The following KMT2E variants were observed in gnomAD, a reference collection of about 807,000 sequenced individuals.
KMT2E encodes the protein lysine methyltransferase 2E (inactive), also known as histone reader KMT2E.
Under a neutral mutation model 184.6 loss-of-function variants are expected in KMT2E, and 30 were observed. The ratio of observed to expected loss-of-function variants is 0.16; its 90% confidence interval spans 0.12 to 0.22. KMT2E has a LOEUF of 0.22. KMT2E is among the 10% of genes least tolerant of loss of function. KMT2E has a pLI of 1.00. For missense variants in KMT2E, 2,023 were observed against 2,237.4 expected, an observed-to-expected ratio of 0.90 and a Z score of 1.93; for synonymous variants, 815 against 776.5, an observed-to-expected ratio of 1.05 and a Z score of -0.82.
intron 8 of KMT2E, among the ~76,000 whole-genome samples, chr7:105,075,810 C>A: frequency 6.6e-6 from 1 of 152,198 alleles, no homozygotes; most frequent in African/African-American, 2.4e-5. Context: ...CCTCAGTCTC[C>A]TGAGTAGCTG....
intron 3 of KMT2E, among the ~76,000 whole-genome samples, chr7:105,051,598 G>A (rs1360040874): frequency 1.3e-5 from 2 of 151,782 alleles, no homozygotes; most frequent in Non-Finnish European, 2.9e-5. Context: ...GTCTGTACTG[G>A]GTCCTCCTTC....
intron 17 of KMT2E, 65 bp from the exon 18 acceptor site, chr7:105,105,374 T>G: frequency 8.2e-7 from 1 of 1,224,600 alleles, no homozygotes; most frequent in Non-Finnish European, 1.1e-6. Flanking sequence ...AAATCTGGTA[T>G]TAGAATATTC....
chr7:105,112,789 C>CCT lies in KMT2E; in HGVS notation c.5034_5035insTC (p.Pro1679SerfsTer34). 2 of 1,585,910 alleles carry CCT rather than the reference C, an allele frequency of 1.3e-6. No homozygotes were observed. Among genetic ancestry groups the CCT allele is most frequent in the South Asian group, 1.1e-5 (1 of 89,098 alleles). On this transcript the variant is annotated frameshift_variant, in exon 27 of 27. Coordinates refer to ENST00000311117, the MANE Select transcript of KMT2E (RefSeq NM_182931.3). LOFTEE classifies it high-confidence loss of function. ...TCTCAAACTGCTGGACACCACTTAC[C>CCT]CCCACCCCCACCCCCTCCTGGTCCT...
intron 13 of KMT2E, among the ~76,000 whole-genome samples, chr7:105,083,589 A>G (rs1220407402): frequency 6.6e-6 from 1 of 152,232 alleles, no homozygotes; most frequent in African/African-American, 2.4e-5. Flanking sequence ...TAGCAGCTTT[A>G]TAGATAAGGG....
chr7:105,078,079 A>G (rs1445199521), intron 11 of KMT2E, among the ~76,000 whole-genome samples: 8 of 152,224 alleles, frequency 5.3e-5, no homozygotes. Flanking sequence ...TATCAAAAAC[A>G]TTTATTGTTT....
intron 26 of KMT2E, chr7:105,111,129 A>ATTC (rs1799237934): frequency 2.6e-6 from 1 of 388,360 alleles, no homozygotes; most frequent in Admixed American, 4.2e-5. Flanking sequence ...TTCCACCTCT[A>ATTC]TTCTAGTGGT....
At position 105,112,575 on chromosome 7, in the gene KMT2E, G is replaced by A. The variant is rs1315461550; in HGVS notation, c.4819G>A (p.Gly1607Arg). Residue 1607 changes from glycine to arginine, a missense_variant, in exon 27 of 27, where the codon GGG becomes AGG. Coordinates refer to ENST00000311117, the MANE Select transcript of KMT2E (RefSeq NM_182931.3). Reference protein sequence around the residue: ...QTVPGHHVTPGHFLPSQNPTI... With the variant: ...QTVPGHHVTPRHFLPSQNPTI... ...AGTTCCAGGACACCACGTGACTCCAGGGCATTTTTTGCCCTCTCAGAACCC... is the reference window on the plus strand; with the variant it reads ...AGTTCCAGGACACCACGTGACTCCAAGGCATTTTTTGCCCTCTCAGAACCC... 1.2e-6 allele frequency: 2 copies of A among 1,613,852 alleles called. No homozygotes were observed. Among genetic ancestry groups the A allele is most frequent in the African/African-American group, 1.3e-5 (1 of 74,844 alleles).
intron 1 of KMT2E, among the ~76,000 whole-genome samples, chr7:105,020,087 G>A (rs1424636766): frequency 1.4e-5 from 2 of 141,900 alleles, no homozygotes; most frequent in African/African-American, 2.6e-5. Flanking sequence ...CAGCCTGGGC[G>A]ATAGAGTGAG....
chr7:105,106,696 G>A lies in KMT2E; in HGVS notation c.2771G>A (p.Arg924Lys). The A allele has an allele frequency of 6.2e-7, 1 of 1,613,772 alleles. No homozygotes were observed. Residue 924 changes from arginine to lysine, a missense_variant, in exon 20 of 27, where the codon AGA (arginine) becomes AAA (lysine). Arg to Lys is a conservative substitution (Grantham distance 26, BLOSUM62 2). Around this residue, in one of 8 missense-constraint regions of KMT2E, gnomAD observed 514 missense variants for 621.8 expected, o/e 0.83. Coordinates refer to ENST00000311117, the MANE Select transcript of KMT2E (RefSeq NM_182931.3). ...PRIKSDDETC[R>K]NGYKPIYSPV... is the part of the protein sequence containing the mutation. ...ATAAAATCAGATGATGAAACTTGTA[G>A]AAATGGTTATAAACCCATATATTCA...
chr7:105,030,640 G>C (rs1795369291), intron 1 of KMT2E, among the ~76,000 whole-genome samples: 1 of 152,178 alleles, frequency 6.6e-6, no homozygotes, highest in Non-Finnish European at 1.5e-5. Context: ...GCACTGGTGT[G>C]AATGCCCTTT....
Position 105,110,413 on chromosome 7 carries a change from ACT to A in KMT2E, c.3844+48_3844+49del, listed in dbSNP as rs774563536. On this transcript the variant is annotated intron_variant, in intron 24 of 26. Transcript: ENST00000311117. ...CACCAGAAAGTGGAATCAGTTAATC[ACT>A]CTGCATCCTCGTTCTTTGCAGCTCT... The A allele has an allele frequency of 3.1e-6, 5 of 1,613,668 alleles. No homozygotes were observed. The South Asian group carries it at 3.3e-5, about 11-fold the overall frequency.
chr7:105,070,768 G>A (rs1309422716), intron 6 of KMT2E, among the ~76,000 whole-genome samples: 4 of 151,386 alleles, frequency 2.6e-5, no homozygotes, highest in East Asian at 1.9e-4. Context: ...AGTTATGATT[G>A]TGCCACTGCA....
intron 6 of KMT2E, among the ~76,000 whole-genome samples, chr7:105,071,220 TTGTA>T (rs940768701): frequency 2.6e-5 from 4 of 152,274 alleles, no homozygotes; most frequent in Non-Finnish European, 4.4e-5. Flanking sequence ...CTAGTTGCCT[TTGTA>T]TGGACACTAG....
At chr7:105,050,667 TTC>T (rs1235492393) in intron 3 of KMT2E, among the ~76,000 whole-genome samples, 1 of 146,646 alleles carries the variant, frequency 6.8e-6, no homozygotes, top group Non-Finnish European at 1.5e-5. Flanking sequence ...TCTTTCTTTT[TTC>T]TTTCTTTCTT....
intron 13 of KMT2E, among the ~76,000 whole-genome samples, chr7:105,087,041 GTATAA>G (rs1798002235): frequency 6.8e-6 from 1 of 146,418 alleles, no homozygotes; most frequent in African/African-American, 2.5e-5. Context: ...TATATGGCAT[GTATAA>G]TATATATAGC....
intron 3 of KMT2E, among the ~76,000 whole-genome samples, chr7:105,060,829 C>T (rs928996165): frequency 6.6e-6 from 1 of 152,106 alleles, no homozygotes; most frequent in Non-Finnish European, 1.5e-5. Flanking sequence ...CGATATTCAG[C>T]GCATAACATG....
At chr7:105,096,247 CAAAAAAAAA>C (rs11330758) in intron 15 of KMT2E, among the ~76,000 whole-genome samples, 15 of 69,270 alleles carry the variant, frequency 2.2e-4, no homozygotes, top group African/African-American at 7.8e-4. Flanking sequence ...GTGAAAGGCT[CAAAAAAAAA>C]AAAAAAAAAA....
intron 19 of KMT2E, among the ~76,000 whole-genome samples, chr7:105,106,254 A>C (rs1301956271): frequency 6.6e-6 from 1 of 152,206 alleles, no homozygotes; most frequent in Non-Finnish European, 1.5e-5. Flanking sequence ...GACTCTTACA[A>C]ATCAGTTAAA....
Position 105,079,511 on chromosome 7 carries a change from C to CTTTTTTTTTTTTTTTTTTT in KMT2E, c.1248+560_1248+578dup, listed in dbSNP as rs66734303. Among the ~76,000 whole-genome samples, 2 of 62,330 alleles carry CTTTTTTTTTTTTTTTTTTT rather than the reference C, an allele frequency of 3.2e-5. 1 individual carries two copies. The highest frequency in any genetic ancestry group is 1.2e-3 in the South Asian group (2 of 1,668). 40.9% of individuals were successfully genotyped at this position (62,330 alleles called of 152,430 possible). A position where few individuals can be genotyped will look rare whatever the true frequency, so the allele number is the denominator to read the frequency against. On this transcript the variant is annotated intron_variant, in intron 12 of 26. Transcript: ENST00000311117. The stretch of plus-strand genomic sequence containing the variant: ...CTTATAAGAGGAAATATTGGACTTC[C>CTTTTTTTTTTTTTTTTTTT]TTTTTTTTTTTTTTTTTTTTTTTTT...
Sources: gnomAD v4.1 joint callset for allele counts (sites outside exome capture counted in the v4.1 genomes callset) on GRCh38, gnomAD v4.1.1 for gene constraint, gnomAD v4.1.1 regional missense constraint, MANE v1.5 for transcripts, NCBI Gene and HGNC (gene_info 2026-07-23, HGNC 2026-07-21) for gene names.